The following MED27 variants were observed in gnomAD, a reference collection of about 807,000 sequenced individuals.
MED27 encodes the protein mediator of RNA polymerase II transcription subunit 27.
A neutral mutation model predicts 38.2 loss-of-function variants in MED27; 30 were observed. The ratio of observed to expected loss-of-function variants is 0.79; its 90% confidence interval spans 0.59 to 1.07. The LOEUF (loss-of-function observed/expected upper bound fraction) is 1.07. MED27 is among the 50% of genes least tolerant of loss of function. The pLI, the probability that MED27 is intolerant of heterozygous loss-of-function variation, is 0.00. For missense variants in MED27, 289 were observed against 397.5 expected (o/e 0.73, Z 2.32); for synonymous variants, 122 against 153.5 (o/e 0.79, Z 1.52).
intron 3 of MED27, among the ~76,000 whole-genome samples, chr9:131,981,418 G>A (rs557493338): frequency 6.6e-6 from 1 of 152,304 alleles, no homozygotes; most frequent in East Asian, 1.9e-4. Flanking sequence ...TGATCGTGAA[G>A]AAGTCAAACA....
At chr9:131,920,760 A>G (rs1830376546) in intron 4 of MED27, among the ~76,000 whole-genome samples, 1 of 151,986 alleles carries the variant, frequency 6.6e-6, no homozygotes, top group Non-Finnish European at 1.5e-5. Context: ...CAAAGGCCTT[A>G]AGGCAGCGCT....
chr9:132,013,434 CAG>C (rs1055696913), intron 3 of MED27, among the ~76,000 whole-genome samples: 1 of 152,158 alleles, frequency 6.6e-6, no homozygotes, highest in Non-Finnish European at 1.5e-5. Context: ...CAGGTATAGA[CAG>C]AGAGCAATGA....
At position 131,913,888 on chromosome 9, in the gene MED27, A is replaced by G. The variant is rs542838891; in HGVS notation, c.574-19896T>C. 2.0e-5 allele frequency among the ~76,000 whole-genome samples: 3 copies of G among 152,340 alleles called. No homozygotes were observed. The South Asian group carries it at 6.2e-4, about 32-fold the overall frequency. The stretch of plus-strand genomic sequence containing the variant: ...ACAGCACTCTGCCAGTCTTTGCTGA[A>G]TGGCACAACCAAAACTCAAACTTTA... On this transcript the variant is annotated intron_variant, in intron 4 of 7. Transcript: ENST00000292035. This position sits in a 1 kb window ranked among gnomAD's most constrained non-coding sequence, Gnocchi z 4.5.
At chr9:131,927,226 G>A (rs928332959) in intron 4 of MED27, among the ~76,000 whole-genome samples, 2 of 152,196 alleles carry the variant, frequency 1.3e-5, no homozygotes, top group Non-Finnish European at 2.9e-5. Context: ...AGAGCAGACA[G>A]CACCACAATG....
At position 131,889,305 on chromosome 9, in the gene MED27, C is replaced by CT. The variant is rs1169709880; in HGVS notation, c.681+4579dup. ...CTTATGCTCGGAGGCTAAAAGCTGC[C>CT]TTTTTTATTGATATGGGGTAATTAA... is the stretch of plus-strand genomic sequence containing the variant. On this transcript the variant is annotated intron_variant, in intron 5 of 7. Coordinates refer to ENST00000292035, the MANE Select transcript of MED27 (RefSeq NM_004269.4). This position sits in a 1 kb window ranked among gnomAD's most constrained non-coding sequence, Gnocchi z 4.2. 1.3e-5 allele frequency among the ~76,000 whole-genome samples: 2 copies of CT among 152,120 alleles called. No homozygotes were observed. The highest frequency in any genetic ancestry group is 4.8e-5 in the African/African-American group (2 of 41,424).
intron 2 of MED27, among the ~76,000 whole-genome samples, chr9:132,076,144 TAG>T (rs1474567732): frequency 6.6e-6 from 1 of 152,142 alleles, no homozygotes; most frequent in Non-Finnish European, 1.5e-5. Context: ...AAAGCAGTCC[TAG>T]AGAGGGCAGG....
intron 3 of MED27, among the ~76,000 whole-genome samples, chr9:131,981,731 C>A (rs1395265248): frequency 6.6e-6 from 1 of 152,202 alleles, no homozygotes; most frequent in Non-Finnish European, 1.5e-5. Flanking sequence ...GCCCTGTCAC[C>A]CAGTCATCAC....
intron 2 of MED27, among the ~76,000 whole-genome samples, chr9:132,052,233 G>A (rs1024554536): frequency 2.6e-5 from 4 of 152,148 alleles, no homozygotes; most frequent in Admixed American, 2.0e-4. Flanking sequence ...TCAGTTATTC[G>A]TCTACAAATT....
intron 2 of MED27, 66 bp downstream of exon 2, chr9:132,077,376 G>C (rs1005670154): frequency 2.1e-5 from 30 of 1,434,186 alleles, no homozygotes; most frequent in Non-Finnish European, 2.8e-5. Context: ...CTTGCTTTCT[G>C]CATGTATGGA....
chr9:131,979,878 G>T (rs537492342), intron 3 of MED27, among the ~76,000 whole-genome samples: 1 of 151,986 alleles, frequency 6.6e-6, no homozygotes, highest in Admixed American at 6.6e-5. Flanking sequence ...ACTCACCCTC[G>T]AGATTCTATG....
chr9:131,982,438 GC>G lies in MED27; in HGVS notation c.479+31898del, dbSNP rs1250158680. Among the ~76,000 whole-genome samples, 1 of 152,092 alleles carries G rather than the reference GC, an allele frequency of 6.6e-6. No homozygotes were observed. Among genetic ancestry groups the G allele is most frequent in the African/African-American group, 2.4e-5 (1 of 41,402 alleles). ...ATCAGGAGTAGAATCACCCAGCTGG[GC>G]CAGACCAGACTACACAATCGTGAGT... On this transcript the variant is annotated intron_variant, in intron 3 of 7. Coordinates refer to ENST00000292035, the MANE Select transcript of MED27 (RefSeq NM_004269.4). This position sits in a 1 kb window ranked among gnomAD's most constrained non-coding sequence, Gnocchi z 4.3.
chr9:132,021,773 G>T (rs1316856546), intron 2 of MED27, among the ~76,000 whole-genome samples: 1 of 152,106 alleles, frequency 6.6e-6, no homozygotes, highest in Non-Finnish European at 1.5e-5. Flanking sequence ...AGGTCATGAG[G>T]GTGAAGGCCC....
chr9:131,874,309 C>A (rs1171411843), intron 6 of MED27, among the ~76,000 whole-genome samples: 1 of 152,212 alleles, frequency 6.6e-6, no homozygotes, highest in Non-Finnish European at 1.5e-5. Flanking sequence ...CTGCACACCC[C>A]CGCCGGGCAC....
At position 131,913,646 on chromosome 9, in the gene MED27, G is replaced by T. The variant is rs539699218; in HGVS notation, c.574-19654C>A. ...CCACAGTTGCATCCCTCCCTCAATG[G>T]TCCAGTCATGAAGTCTCTCCAGGGG... On this transcript the variant is annotated intron_variant, in intron 4 of 7. Transcript: ENST00000292035. This position sits in a 1 kb window ranked among gnomAD's most constrained non-coding sequence, Gnocchi z 4.5. 6.6e-6 allele frequency among the ~76,000 whole-genome samples: 1 copy of T among 152,204 alleles called. No individual in the cohort carries two copies. Among genetic ancestry groups the T allele is most frequent in the African/African-American group, 2.4e-5 (1 of 41,536 alleles).
At chr9:132,025,516 G>A (rs1473882608) in intron 2 of MED27, among the ~76,000 whole-genome samples, 1 of 152,220 alleles carries the variant, frequency 6.6e-6, no homozygotes, top group African/African-American at 2.4e-5. Flanking sequence ...CAAGAGCTAG[G>A]CAGAGAAAGA....
chr9:131,863,088 G>A lies in MED27; in HGVS notation c.776C>T (p.Pro259Leu), dbSNP rs1838678412. The change falls in exon 7 of 8, where the codon CCG (proline) becomes CTG (leucine). Residue 259 changes from proline to leucine, a missense_variant. Physicochemically the swap from Pro to Leu is moderately conservative, Grantham distance 98. Transcript: ENST00000292035. ...CATGAAGGATCGGACCACGACATCC[G>A]GCATCTGGGGCAGCTGATAGTGGAG... ...ALLHYQLPQM[P>L]DVVVRSFMTW... 14 of 1,614,004 alleles carry A rather than the reference G, an allele frequency of 8.7e-6. No individual in the cohort carries two copies. The highest frequency in any genetic ancestry group is 1.7e-5 in the Admixed American group (1 of 59,998).
chr9:131,860,269 C>T lies in MED27; in HGVS notation c.*269G>A, dbSNP rs1049419879. ...CACCAGCACTGCCGACACACATGGA[C>T]GAGGAGCATGCTGCACAGCTTCCTT... On this transcript the variant is annotated 3_prime_UTR_variant, in exon 8 of 8. Transcript: ENST00000292035. The surrounding 1 kb of genome is among the most constrained non-coding windows in gnomAD (Gnocchi z 5.8). 4.6e-5 allele frequency: 17 copies of T among 367,148 alleles called. No individual in the cohort carries two copies. The highest frequency in any genetic ancestry group is 2.5e-4 in the African/African-American group (12 of 47,446). The allele number at this position is 367,148 out of a possible 1,614,324, so 22.7% of individuals were successfully genotyped here.
At chr9:132,013,446 A>G (rs1011394310) in intron 3 of MED27, among the ~76,000 whole-genome samples, 1 of 152,238 alleles carries the variant, frequency 6.6e-6, no homozygotes, top group Non-Finnish European at 1.5e-5. Flanking sequence ...GAGAGCAATG[A>G]GGAGGAACCC....
rs201625398 is a variant in MED27, at chr9:131,878,310, TA to T, written c.723+5747del. 3.5e-3 allele frequency among the ~76,000 whole-genome samples: 510 copies of T among 146,830 alleles called. 1 individual carries two copies. Among genetic ancestry groups the T allele is most frequent in the Non-Finnish European group, 5.2e-3 (343 of 66,502 alleles). On this transcript the variant is annotated intron_variant, in intron 6 of 7. Coordinates refer to ENST00000292035, the MANE Select transcript of MED27 (RefSeq NM_004269.4). ...ATAAATAAATAAATAAATAAATAAA[TA>T]AAATAAAAATAATCAACTAATAAAT... is the stretch of plus-strand genomic sequence containing the variant.
Sources: gnomAD v4.1 joint callset for allele counts (sites outside exome capture counted in the v4.1 genomes callset) on GRCh38, gnomAD v4.1.1 for gene constraint, Gnocchi (gnomAD v3.1) non-coding constraint, MANE v1.5 for transcripts, NCBI Gene and HGNC (gene_info 2026-07-23, HGNC 2026-07-21) for gene names.